Variants in WDR47 observed in about 807,000 individuals in gnomAD.
The protein encoded by WDR47 is WD repeat domain 47, also known as WD repeat-containing protein 47.
A neutral mutation model predicts 97.2 loss-of-function variants in WDR47; 32 were observed. That is an observed-to-expected ratio of 0.33 (90% CI 0.25 to 0.44). WDR47 has a LOEUF of 0.44. Ranked by LOEUF, WDR47 falls within the 20% of genes least tolerant of loss-of-function variation. The pLI, the probability that WDR47 is intolerant of heterozygous loss-of-function variation, is 1.00. For missense variants in WDR47, 782 were observed against 1,102.3 expected, an observed-to-expected ratio of 0.71 and a Z score of 4.11; for synonymous variants, 375 against 373.5, an observed-to-expected ratio of 1.00 and a Z score of -0.05.
chr1:108,980,035 T>A (rs566302349), intron 13 of WDR47, among the ~76,000 whole-genome samples: 1 of 152,244 alleles, frequency 6.6e-6, no homozygotes, highest in South Asian at 2.1e-4. Context: ...ACTGCACATG[T>A]AAGGTATCTA....
chr1:108,971,292 G>C lies in WDR47; in HGVS notation c.*138C>G. On this transcript the variant is annotated 3_prime_UTR_variant, in exon 15 of 15. Transcript: ENST00000369962. ...TAACACCACCCAACACCTCCTATCA[G>C]TGGGATACATGGTAATAAGGGGCCT... 2 of 1,177,010 alleles carry C rather than the reference G, an allele frequency of 1.7e-6. No homozygotes were observed. Among genetic ancestry groups the C allele is most frequent in the Admixed American group, 2.3e-5 (1 of 42,720 alleles). The allele number at this position is 1,177,010 out of a possible 1,614,324, so 72.9% of individuals were successfully genotyped here. A position where few individuals can be genotyped will look rare whatever the true frequency, so the allele number is the denominator to read the frequency against.
chr1:109,023,885 G>A (rs2102001162), intron 1 of WDR47, among the ~76,000 whole-genome samples: 1 of 152,286 alleles, frequency 6.6e-6, no homozygotes, highest in East Asian at 1.9e-4. Flanking sequence ...ATATAATCCT[G>A]TCTACTCCTA....
chr1:108,977,750 C>T (rs991706200), intron 13 of WDR47, among the ~76,000 whole-genome samples: 18 of 151,824 alleles, frequency 1.2e-4, no homozygotes, highest in Admixed American at 1.2e-3. Context: ...ATCGCTTGAA[C>T]CCAGGAGGCA....
In WDR47 at chr1:109,028,625, G is replaced by T. The variant is rs192380628; in HGVS notation, c.-9-5104C>A. On this transcript the variant is annotated intron_variant, in intron 1 of 14. Coordinates refer to ENST00000369962, the MANE Select transcript of WDR47 (RefSeq NM_001142551.2). ...TGCCAACACGCCCAGCTAATTTTTTGTATCTTTAGTAGAGGTGGGGTTTCA... is the reference window on the plus strand; with the variant it reads ...TGCCAACACGCCCAGCTAATTTTTTTTATCTTTAGTAGAGGTGGGGTTTCA... Among the ~76,000 whole-genome samples, 139 of 151,564 alleles carry T rather than the reference G, an allele frequency of 9.2e-4. 1 individual carries two copies. The highest frequency in any genetic ancestry group is 7.3e-3 in the Admixed American group (111 of 15,172).
rs141843546 is a variant in WDR47 at position 108,974,540 on chromosome 1, T to C, written c.2613A>G (p.Leu871=). ...SYDMKIKVTD[L]QGDLTKQLPI... ...AGAGAAGTCGATCTCAATCACCTTG[T>C]AGGTCTGTCACCTTTATTTTCATAT... Residue 871 remains leucine, a synonymous_variant, in exon 14 of 15, where the codon CTA becomes CTG. Coordinates refer to ENST00000369962, the MANE Select transcript of WDR47 (RefSeq NM_001142551.2). The C allele has an allele frequency of 1.9e-5, 30 of 1,613,762 alleles. No individual in the cohort carries two copies. The African/African-American group carries it at 2.3e-4, about 12-fold the overall frequency.
intron 1 of WDR47, chr1:109,041,605 C>G (rs1391979297): frequency 1.3e-5 from 2 of 152,368 alleles, no homozygotes. Context: ...AAGGTGTGGT[C>G]CAGGACCGGT....
At chr1:109,012,738 C>T (rs917495960) in intron 4 of WDR47, among the ~76,000 whole-genome samples, 1 of 152,090 alleles carries the variant, frequency 6.6e-6, no homozygotes, top group African/African-American at 2.4e-5. Context: ...AACTTCAGCA[C>T]TCACCTAGTC....
At chr1:109,008,978 G>T (rs1034799302) in intron 5 of WDR47, among the ~76,000 whole-genome samples, 1 of 152,000 alleles carries the variant, frequency 6.6e-6, no homozygotes, top group South Asian at 2.1e-4. Flanking sequence ...CCAGCTACTC[G>T]GGAGGCTGAG....
chr1:108,995,890 TAATA>T, intron 7 of WDR47, 53 bp from the exon 8 acceptor site: 2 of 1,553,290 alleles, frequency 1.3e-6, no homozygotes, highest in Non-Finnish European at 1.8e-6. Context: ...ATTGCATTCC[TAATA>T]TATACAAGGT....
chr1:109,012,477 G>A (rs1044748829), intron 4 of WDR47, among the ~76,000 whole-genome samples: 18 of 150,056 alleles, frequency 1.2e-4, no homozygotes, highest in African/African-American at 3.9e-4. Flanking sequence ...AGAGGCTGAG[G>A]CAGGAGAATT....
chr1:109,020,301 A>T (rs1444739106), intron 2 of WDR47, among the ~76,000 whole-genome samples: 2 of 150,820 alleles, frequency 1.3e-5, no homozygotes, highest in Admixed American at 1.3e-4. Context: ...CAGTGGCACG[A>T]TCTCAGCTCA....
At chr1:109,020,226 T>C (rs923737975) in intron 2 of WDR47, among the ~76,000 whole-genome samples, 5 of 151,626 alleles carry the variant, frequency 3.3e-5, no homozygotes, top group African/African-American at 1.2e-4. Flanking sequence ...AAGATGAACA[T>C]ATTTAGTTGT....
chr1:108,982,719 C>A lies in WDR47; in HGVS notation c.2156G>T (p.Gly719Val), dbSNP rs1658444457. 4.3e-6 allele frequency: 7 copies of A among 1,613,966 alleles called. No homozygotes were observed. The East Asian group carries it at 1.3e-4, about 31-fold the overall frequency. ...GTIRDLAFMEGPESGGAILIS... is the reference protein window; with the variant it reads ...GTIRDLAFMEVPESGGAILIS... ...TAAAATAGCTCCTCCGCTTTCTGGG[C>A]CTTCCATAAATGCCAAGTCTCTAAT... The change falls in exon 12 of 15, where the codon GGC (glycine) becomes GTC (valine). Residue 719 changes from glycine (G) to valine (V), a missense_variant. Around this residue, in one of 3 missense-constraint regions of WDR47, gnomAD observed 228 missense variants for 396.7 expected, o/e 0.57. Coordinates refer to ENST00000369962, the MANE Select transcript of WDR47 (RefSeq NM_001142551.2).
intron 2 of WDR47, among the ~76,000 whole-genome samples, chr1:109,022,817 C>CTTGA (rs935868560): frequency 6.6e-6 from 1 of 151,684 alleles, no homozygotes; most frequent in African/African-American, 2.4e-5. Flanking sequence ...AACTCCTGAC[C>CTTGA]TCAAGTGATC....
intron 13 of WDR47, among the ~76,000 whole-genome samples, chr1:108,978,474 C>A (rs1483057304): frequency 6.8e-6 from 1 of 147,138 alleles, no homozygotes; most frequent in Non-Finnish European, 1.5e-5. Flanking sequence ...GGTGACAGAG[C>A]GAGACTCCGT....
rs766921575 is a variant in WDR47, at chr1:109,013,870, C to T, written c.298G>A (p.Ala100Thr). 58 of 1,613,358 alleles carry T rather than the reference C, an allele frequency of 3.6e-5. No individual in the cohort carries two copies. Among genetic ancestry groups the T allele is most frequent in the Non-Finnish European group, 4.8e-5 (57 of 1,179,922 alleles). Reference protein sequence around the residue: ...KFLEALCVNNAMSAEDEPQHL... With the variant: ...KFLEALCVNNTMSAEDEPQHL... ...TGGGGCTCATCTTCTGCTGACATCG[C>T]GTTGTTAACACATAAAGCTTCTAAA... is the stretch of plus-strand genomic sequence containing the variant. The change falls in exon 4 of 15, where the codon GCG becomes ACG. Residue 100 changes from alanine (A) to threonine (T), a missense_variant. Physicochemically the swap from Ala to Thr is moderately conservative, Grantham distance 58. This residue lies in a region of WDR47 where 428 missense variants were observed against 584.3 expected (regional missense o/e 0.73). Transcript: ENST00000369962.
intron 1 of WDR47, among the ~76,000 whole-genome samples, chr1:109,040,923 G>A (rs1663309249): frequency 6.6e-6 from 1 of 151,764 alleles, no homozygotes; most frequent in South Asian, 2.1e-4. Flanking sequence ...CTCCAACAAA[G>A]AGAGAAATAA....
intron 7 of WDR47, 135 bp downstream of exon 7, chr1:109,002,089 A>G (rs977141369): frequency 2.0e-6 from 2 of 1,005,170 alleles, no homozygotes; most frequent in African/African-American, 1.6e-5. Flanking sequence ...CTAGAAAGCA[A>G]TATGTAACTC....
At chr1:108,992,389 C>G in intron 8 of WDR47, 8 of 1,566,168 alleles carry the variant, frequency 5.1e-6, no homozygotes, top group Non-Finnish European at 6.2e-6. Flanking sequence ...CTCAGGCCAT[C>G]AAGGGTATGC....
Sources: gnomAD v4.1 joint callset for allele counts (sites outside exome capture counted in the v4.1 genomes callset) on GRCh38, gnomAD v4.1.1 for gene constraint, gnomAD v4.1.1 regional missense constraint, MANE v1.5 for transcripts, NCBI Gene and HGNC (gene_info 2026-07-23, HGNC 2026-07-21) for gene names.